UBE2N: variants seen among roughly 807,000 people sequenced by gnomAD.
UBE2N encodes ubiquitin-conjugating enzyme E2 N.
For synonymous variants in UBE2N, 70 were observed against 69.2 expected, an observed-to-expected ratio of 1.01 and a Z score of -0.06; for missense variants, 60 against 192.1, an observed-to-expected ratio of 0.31 and a Z score of 4.07.
Position 93,441,924 on chromosome 12 carries a change from G to T in UBE2N, c.-40C>A. 2 of 1,558,642 alleles carry T rather than the reference G, an allele frequency of 1.3e-6. No homozygotes were observed. The highest frequency in any genetic ancestry group is 1.7e-6 in the Non-Finnish European group (2 of 1,154,900). Reference sequence around the variant, plus strand: ...AGTTCGGCCTCTGGTCTCGTCTCCGGCTCCTCTCGCCTCACGCACGAGTGG... The same window carrying T: ...AGTTCGGCCTCTGGTCTCGTCTCCGTCTCCTCTCGCCTCACGCACGAGTGG... On this transcript the variant is annotated 5_prime_UTR_variant, in exon 1 of 4. Transcript: ENST00000318066.
intron 1 of UBE2N, among the ~76,000 whole-genome samples, chr12:93,427,461 T>C (rs945701345): frequency 2.0e-5 from 3 of 152,228 alleles, no homozygotes; most frequent in Non-Finnish European, 4.4e-5. Context: ...ACAATATACA[T>C]GAACCTTGAA....
At chr12:93,432,957 G>A (rs1351896631) in intron 1 of UBE2N, among the ~76,000 whole-genome samples, 2 of 107,740 alleles carry the variant, frequency 1.9e-5, no homozygotes, top group African/African-American at 7.0e-5. Context: ...TTGAGACGGA[G>A]TCTTGCTCTG....
intron 1 of UBE2N, among the ~76,000 whole-genome samples, chr12:93,412,840 A>G (rs1432935552): frequency 6.6e-6 from 1 of 152,270 alleles, no homozygotes; most frequent in Non-Finnish European, 1.5e-5. Context: ...TTGGACCAGT[A>G]TAAGCATGCC....
chr12:93,433,438 T>C (rs1878828685), intron 1 of UBE2N, among the ~76,000 whole-genome samples: 1 of 152,240 alleles, frequency 6.6e-6, no homozygotes, highest in Admixed American at 6.5e-5. Flanking sequence ...GCTAAGATTT[T>C]AGCTGAAGTT....
At chr12:93,434,742 G>C (rs746747096) in intron 1 of UBE2N, among the ~76,000 whole-genome samples, 1 of 151,986 alleles carries the variant, frequency 6.6e-6, no homozygotes, top group Non-Finnish European at 1.5e-5. Flanking sequence ...TTTTTTCCTA[G>C]GAAGAGGTCA....
At chr12:93,437,971 A>G (rs1212061837) in intron 1 of UBE2N, among the ~76,000 whole-genome samples, 1 of 152,226 alleles carries the variant, frequency 6.6e-6, no homozygotes, top group Non-Finnish European at 1.5e-5. Context: ...AAATAATGTA[A>G]AAGATTGATG....
intron 1 of UBE2N, among the ~76,000 whole-genome samples, chr12:93,426,517 C>T (rs1400380516): frequency 1.3e-5 from 2 of 151,960 alleles, no homozygotes; most frequent in Non-Finnish European, 2.9e-5. Flanking sequence ...AGGAGACACC[C>T]TGCAAGTCAA....
At chr12:93,423,716 A>T (rs182104762) in intron 1 of UBE2N, among the ~76,000 whole-genome samples, 2 of 152,300 alleles carry the variant, frequency 1.3e-5, no homozygotes, top group East Asian at 3.9e-4. Context: ...GGTTCTCTAT[A>T]GCACCAAAAT....
intron 1 of UBE2N, among the ~76,000 whole-genome samples, chr12:93,425,701 T>C (rs912686904): frequency 2.0e-5 from 3 of 151,894 alleles, no homozygotes; most frequent in African/African-American, 7.3e-5. Context: ...AGAGCAGGAG[T>C]ATGCAGAAAA....
At chr12:93,417,319 A>C (rs1249095073) in intron 1 of UBE2N, among the ~76,000 whole-genome samples, 4 of 152,246 alleles carry the variant, frequency 2.6e-5, no homozygotes, top group Non-Finnish European at 5.9e-5. Flanking sequence ...GTAGTTAGTC[A>C]ATTATAACAA....
intron 1 of UBE2N, among the ~76,000 whole-genome samples, chr12:93,436,608 C>T (rs2121100028): frequency 6.6e-6 from 1 of 152,186 alleles, no homozygotes; most frequent in South Asian, 2.1e-4. Context: ...ACCTTTATGA[C>T]TTTAAGCTTT....
In UBE2N at chr12:93,408,659, AAAG is replaced by A. The variant is rs1436971192; in HGVS notation, c.*1377_*1379del. On this transcript the variant is annotated 3_prime_UTR_variant, in exon 4 of 4. Coordinates refer to ENST00000318066, the MANE Select transcript of UBE2N (RefSeq NM_003348.4). ...TTTGTGAGGGGAGGAATTCGTCAAT[AAAG>A]AAGAAAAATTACTGAATTCCAAATT... 1 of 152,220 alleles carries A rather than the reference AAAG, an allele frequency of 6.6e-6. No homozygotes were observed. Among genetic ancestry groups the A allele is most frequent in the African/African-American group, 2.4e-5 (1 of 41,466 alleles). 9.4% of individuals were successfully genotyped at this position (152,220 alleles called of 1,614,324 possible).
At chr12:93,429,522 T>C (rs1051713278) in intron 1 of UBE2N, among the ~76,000 whole-genome samples, 1 of 151,392 alleles carries the variant, frequency 6.6e-6, no homozygotes, top group African/African-American at 2.4e-5. Flanking sequence ...TACTATACTA[T>C]ACTTTTATTG....
At chr12:93,419,565 TAA>T (rs762970475) in intron 1 of UBE2N, among the ~76,000 whole-genome samples, 8 of 152,178 alleles carry the variant, frequency 5.3e-5, no homozygotes, top group Admixed American at 1.3e-4. Flanking sequence ...AATGATGAAG[TAA>T]AGAGTTCACT....
intron 1 of UBE2N, among the ~76,000 whole-genome samples, chr12:93,430,138 T>C (rs1878716467): frequency 2.6e-5 from 4 of 152,214 alleles, no homozygotes; most frequent in South Asian, 2.1e-4. Context: ...TTATCTTTTA[T>C]ACCAGATTTT....
intron 1 of UBE2N, among the ~76,000 whole-genome samples, chr12:93,434,240 C>T (rs1878855399): frequency 2.0e-5 from 3 of 152,154 alleles, no homozygotes; most frequent in East Asian, 1.9e-4. Context: ...TGCAGTTAGC[C>T]GAGTTCGTGC....
chr12:93,429,369 A>T (rs951048704), intron 1 of UBE2N: 3 of 404,702 alleles, frequency 7.4e-6, no homozygotes, highest in South Asian at 3.7e-5. Context: ...GAGAAAAAAA[A>T]TTCTCGTTTA....
rs1419152975 is a variant in UBE2N at position 93,414,574 on chromosome 12, CCTT to C, written c.31-3278_31-3276del. On this transcript the variant is annotated intron_variant, in intron 1 of 3. Transcript: ENST00000318066. ...CAGCTGTTCTCTCTCCATCCCCTAACCTTCTCTGTTCCAGACAAAAATTAGCTT... is the reference window on the plus strand; with the variant it reads ...CAGCTGTTCTCTCTCCATCCCCTAACCTCTGTTCCAGACAAAAATTAGCTT... Among the ~76,000 whole-genome samples the C allele has an allele frequency of 6.6e-5, 10 of 152,208 alleles. No individual in the cohort carries two copies. In the East Asian group the frequency reaches 1.9e-3, roughly 29 times the overall value.
At chr12:93,440,360 C>A (rs1879063184) in intron 1 of UBE2N, among the ~76,000 whole-genome samples, 1 of 152,186 alleles carries the variant, frequency 6.6e-6, no homozygotes, top group Non-Finnish European at 1.5e-5. Context: ...AATCCACACA[C>A]AACAAATTTC....
Sources: allele counts gnomAD v4.1 joint callset (sites outside exome capture counted in the v4.1 genomes callset), GRCh38; gene constraint gnomAD v4.1.1; transcripts MANE v1.5; gene names NCBI Gene and HGNC (gene_info 2026-07-23, HGNC 2026-07-21).